L3MBTL4: variants seen among roughly 807,000 people sequenced by gnomAD.
L3MBTL4 encodes lethal(3)malignant brain tumor-like protein 4.
L3MBTL4 carries 70 observed loss-of-function variants against 84.5 expected under a neutral mutation model. The observed-to-expected ratio is 0.83, with a 90% confidence interval of 0.68 to 1.01. The LOEUF is 1.01. Among genes scored for constraint, L3MBTL4 ranks in the 50% least tolerant of loss-of-function variants. The pLI, the probability that L3MBTL4 is intolerant of heterozygous loss-of-function variation, is 0.00. For missense variants in L3MBTL4, 715 were observed against 754.8 expected, an observed-to-expected ratio of 0.95 and a Z score of 0.62; for synonymous variants, 274 against 259.8, an observed-to-expected ratio of 1.05 and a Z score of -0.52.
intron 1 of L3MBTL4, among the ~76,000 whole-genome samples, chr18:6,353,544 C>G (rs1324106615): frequency 1.3e-5 from 2 of 151,854 alleles, no homozygotes; most frequent in Non-Finnish European, 2.9e-5. Flanking sequence ...TTGGAAAAAC[C>G]TAAAGACTCC....
chr18:5,979,898 T>C (rs978512298), intron 16 of L3MBTL4, among the ~76,000 whole-genome samples: 1 of 152,132 alleles, frequency 6.6e-6, no homozygotes, highest in African/African-American at 2.4e-5. Context: ...CTTGGAGACC[T>C]AGTCAAAGGA....
At chr18:6,030,195 G>T (rs1231811125) in intron 16 of L3MBTL4, 2 of 825,736 alleles carry the variant, frequency 2.4e-6, no homozygotes, top group Non-Finnish European at 1.5e-6. Flanking sequence ...CACAAGAGAA[G>T]TATACAGTGA....
intron 16 of L3MBTL4, among the ~76,000 whole-genome samples, chr18:5,984,560 C>T (rs1010531179): frequency 6.6e-6 from 1 of 152,160 alleles, no homozygotes; most frequent in African/African-American, 2.4e-5. Flanking sequence ...CTTCAGATAA[C>T]TGAATATTTT....
chr18:6,018,347 C>A (rs1207247325), intron 16 of L3MBTL4, among the ~76,000 whole-genome samples: 1 of 152,306 alleles, frequency 6.6e-6, no homozygotes, highest in South Asian at 2.1e-4. Flanking sequence ...GGGGCTTGAG[C>A]ATGTGCACGT....
chr18:6,123,365 A>G (rs2059586619), intron 14 of L3MBTL4, among the ~76,000 whole-genome samples: 1 of 152,178 alleles, frequency 6.6e-6, no homozygotes, highest in African/African-American at 2.4e-5. Context: ...TAGCTCCCAC[A>G]ATCCCCACGT....
rs549991181 is a variant in L3MBTL4, at chr18:6,266,798, C to T, written c.128-2760G>A. 3.3e-5 allele frequency among the ~76,000 whole-genome samples: 5 copies of T among 152,218 alleles called. No individual in the cohort carries two copies. The East Asian group carries it at 9.7e-4, about 29-fold the overall frequency. On this transcript the variant is annotated intron_variant, in intron 4 of 18. Transcript: ENST00000317931. ...ATTAGCCAGGTATAATGGTGCATGC[C>T]TATAATCCCAGCTACTTGGGAGGCT...
chr18:6,282,111 C>T (rs1599468464), intron 4 of L3MBTL4, among the ~76,000 whole-genome samples: 1 of 152,124 alleles, frequency 6.6e-6, no homozygotes. Flanking sequence ...GAGTCTAAAC[C>T]AACTTTCAGC....
intron 14 of L3MBTL4, among the ~76,000 whole-genome samples, chr18:6,111,625 C>T (rs993423977): frequency 6.6e-6 from 1 of 152,206 alleles, no homozygotes; most frequent in Non-Finnish European, 1.5e-5. Context: ...AGGGTGTCTG[C>T]TCAGTCTCTC....
chr18:6,347,097 T>C (rs1463546732), intron 1 of L3MBTL4, among the ~76,000 whole-genome samples: 3 of 152,068 alleles, frequency 2.0e-5, no homozygotes, highest in Non-Finnish European at 4.4e-5. Flanking sequence ...CTGTATGATC[T>C]CTTTATATGT....
rs7237388 is a variant in L3MBTL4 at position 5,956,183 on chromosome 18, G to T, written c.*37C>A. 2.6e-6 allele frequency: 4 copies of T among 1,567,336 alleles called. No individual in the cohort carries two copies. The highest frequency in any genetic ancestry group is 3.4e-5 in the Admixed American group (2 of 58,230). ...GCTCCACTTTTATTGCTGAAAGAGC[G>T]CAGGTCTTGGTGCCAGAGGAAGTTC... is the stretch of plus-strand genomic sequence containing the variant. On this transcript the variant is annotated 3_prime_UTR_variant, in exon 19 of 19. Coordinates refer to ENST00000317931, the MANE Select transcript of L3MBTL4 (RefSeq NM_001330559.2).
intron 4 of L3MBTL4, among the ~76,000 whole-genome samples, chr18:6,297,949 G>A (rs924779680): frequency 6.6e-6 from 1 of 152,124 alleles, no homozygotes. Context: ...TGGACATTTG[G>A]ATTATTAATA....
At chr18:6,264,892 T>C (rs1442528915) in intron 4 of L3MBTL4, among the ~76,000 whole-genome samples, 1 of 152,246 alleles carries the variant, frequency 6.6e-6, no homozygotes, top group Non-Finnish European at 1.5e-5. Flanking sequence ...AGAGTTTTTT[T>C]CCTAGAATCC....
At chr18:6,316,566 T>C (rs1017564446) in intron 1 of L3MBTL4, among the ~76,000 whole-genome samples, 2 of 152,214 alleles carry the variant, frequency 1.3e-5, no homozygotes, top group African/African-American at 4.8e-5. Flanking sequence ...GGTGTATCTA[T>C]AGACAGCCTT....
chr18:6,383,284 C>A (rs766068399), intron 1 of L3MBTL4, among the ~76,000 whole-genome samples: 15 of 152,084 alleles, frequency 9.9e-5, no homozygotes, highest in Non-Finnish European at 2.2e-4. Flanking sequence ...GACTCCTTGG[C>A]TCCCTGGCTT....
chr18:6,198,272 T>C (rs777506500), intron 12 of L3MBTL4, among the ~76,000 whole-genome samples: 12 of 152,210 alleles, frequency 7.9e-5, no homozygotes, highest in Non-Finnish European at 1.8e-4. Context: ...TTGGCTCCAT[T>C]TGTCTGTTTC....
intron 12 of L3MBTL4, among the ~76,000 whole-genome samples, chr18:6,185,379 G>T (rs1304678856): frequency 6.6e-6 from 1 of 152,170 alleles, no homozygotes; most frequent in East Asian, 1.9e-4. Flanking sequence ...GATGGTATCA[G>T]TAGCCTTTGG....
At chr18:6,371,755 A>G (rs568811402) in intron 1 of L3MBTL4, among the ~76,000 whole-genome samples, 6 of 152,362 alleles carry the variant, frequency 3.9e-5, no homozygotes, top group East Asian at 1.9e-4. Flanking sequence ...CCAACCTATA[A>G]TAAAGCAGAA....
chr18:6,099,466 G>A (rs2058739508), intron 14 of L3MBTL4, among the ~76,000 whole-genome samples: 2 of 150,618 alleles, frequency 1.3e-5, no homozygotes, highest in South Asian at 4.2e-4. Context: ...GGAAGTAAGA[G>A]CCATCATGAG....
chr18:6,005,288 G>T (rs2054422680), intron 16 of L3MBTL4, among the ~76,000 whole-genome samples: 1 of 151,886 alleles, frequency 6.6e-6, no homozygotes, highest in African/African-American at 2.4e-5. Context: ...AGAGGTTGCA[G>T]TGAGCTGAGA....
Sources: gnomAD v4.1 joint callset for allele counts (sites outside exome capture counted in the v4.1 genomes callset) on GRCh38, gnomAD v4.1.1 for gene constraint, MANE v1.5 for transcripts, NCBI Gene and HGNC (gene_info 2026-07-23, HGNC 2026-07-21) for gene names.